The following APP variants were observed in gnomAD, a reference collection of about 807,000 sequenced individuals.
APP encodes the protein amyloid beta precursor protein, also known as amyloid-beta precursor protein.
In APP, 31 loss-of-function variants were observed where a neutral mutation model predicts 101.4. The ratio of observed to expected loss-of-function variants is 0.31; its 90% CI spans 0.23 to 0.41. The LOEUF (loss-of-function observed/expected upper bound fraction) is 0.41, where lower values mean the gene tolerates loss of function less well. Among genes scored for constraint, APP ranks in the 10% least tolerant of loss-of-function variants. APP has a pLI of 1.00. For missense variants in APP, 839 were observed against 1,003.7 expected (o/e 0.84, Z 2.22); for synonymous variants, 366 against 364.4 (o/e 1.00, Z -0.05).
intron 5 of APP, among the ~76,000 whole-genome samples, chr21:26,044,559 G>A (rs913342497): frequency 6.6e-6 from 1 of 151,844 alleles, no homozygotes; most frequent in Non-Finnish European, 1.5e-5. Context: ...TCTTTTTTGA[G>A]GTGGAGTTTC....
chr21:25,903,368 CAAAAAA>C (rs937462787), intron 15 of APP, among the ~76,000 whole-genome samples: 2 of 68,580 alleles, frequency 2.9e-5, no homozygotes, highest in Middle Eastern at 9.3e-3. Flanking sequence ...GACTCCATCT[CAAAAAA>C]AAAAAAAAAA....
At chr21:26,108,256 A>G (rs1016006848) in intron 2 of APP, among the ~76,000 whole-genome samples, 7 of 152,254 alleles carry the variant, frequency 4.6e-5, no homozygotes, top group Non-Finnish European at 1.0e-4. Flanking sequence ...CAACTCAGTA[A>G]CATTTATGAT....
At chr21:25,925,487 AGG>A (rs1007054079) in intron 13 of APP, among the ~76,000 whole-genome samples, 3 of 152,278 alleles carry the variant, frequency 2.0e-5, no homozygotes, top group Admixed American at 6.5e-5. Context: ...ACCCAGATCC[AGG>A]GAATCAGAAT....
At chr21:25,984,969 A>G (rs574885259) in intron 8 of APP, among the ~76,000 whole-genome samples, 1 of 152,332 alleles carries the variant, frequency 6.6e-6, no homozygotes, top group East Asian at 1.9e-4. Context: ...AAAACTTACT[A>G]TATAAGAAGG....
rs187696331 is a variant in APP at position 25,936,151 on chromosome 21, A to C, written c.1687+18439T>G. Among the ~76,000 whole-genome samples the C allele has an allele frequency of 2.2e-3, 340 of 152,326 alleles. 5 individuals carry two copies. The highest frequency in any genetic ancestry group is 3.4e-3 in the Middle Eastern group (1 of 294). On this transcript the variant is annotated intron_variant, in intron 13 of 17. Coordinates refer to ENST00000346798, the MANE Select transcript of APP (RefSeq NM_000484.4). The stretch of plus-strand genomic sequence containing the variant: ...TGTGCCCCTGAAAATTCATGTATCA[A>C]AGCCCTAACCCTCAAGGGACCTTTG...
chr21:26,150,380 A>G (rs1221831757), intron 1 of APP, among the ~76,000 whole-genome samples: 2 of 152,174 alleles, frequency 1.3e-5, no homozygotes, highest in East Asian at 3.8e-4. Flanking sequence ...TCACACAGCA[A>G]AATTTTTATA....
intron 6 of APP, among the ~76,000 whole-genome samples, chr21:26,005,463 G>T (rs1029354398): frequency 9.2e-5 from 14 of 152,128 alleles, no homozygotes; most frequent in African/African-American, 3.1e-4. Flanking sequence ...TTTTCAGTTT[G>T]CCTAAGAGTT....
intron 5 of APP, among the ~76,000 whole-genome samples, chr21:26,049,542 C>G (rs764381930): frequency 2.0e-5 from 3 of 152,044 alleles, no homozygotes; most frequent in Non-Finnish European, 4.4e-5. Flanking sequence ...CATTAAGATC[C>G]CAGCTGATGT....
chr21:26,017,440 T>C (rs1325608824), intron 6 of APP, among the ~76,000 whole-genome samples: 2 of 146,416 alleles, frequency 1.4e-5, no homozygotes, highest in African/African-American at 5.0e-5. Flanking sequence ...TTAAATTACA[T>C]TAAAGGGCAA....
intron 6 of APP, among the ~76,000 whole-genome samples, chr21:26,019,203 T>A (rs2044227935): frequency 6.6e-6 from 1 of 152,240 alleles, no homozygotes; most frequent in African/African-American, 2.4e-5. Flanking sequence ...TGTTAATTAA[T>A]CACCTGCAGT....
chr21:26,121,313 CTCA>C (rs921997502), intron 1 of APP, among the ~76,000 whole-genome samples: 5 of 152,150 alleles, frequency 3.3e-5, no homozygotes, highest in African/African-American at 1.2e-4. Context: ...GGGGTCACTC[CTCA>C]TACCTGCACA....
chr21:26,144,346 C>T (rs1169340468), intron 1 of APP, among the ~76,000 whole-genome samples: 4 of 152,244 alleles, frequency 2.6e-5, no homozygotes, highest in African/African-American at 7.2e-5. Flanking sequence ...ATTTGCTCTG[C>T]CTTTCTGATA....
chr21:26,134,511 G>A (rs374876402), intron 1 of APP, among the ~76,000 whole-genome samples: 20 of 152,226 alleles, frequency 1.3e-4, no homozygotes, highest in African/African-American at 4.1e-4. Context: ...ACAGCCAGAT[G>A]GAAGAGATGC....
At chr21:25,920,756 T>C (rs923902024) in intron 13 of APP, among the ~76,000 whole-genome samples, 1 of 144,842 alleles carries the variant, frequency 6.9e-6, no homozygotes, top group Non-Finnish European at 1.5e-5. Context: ...CAAAGAGACT[T>C]AGACTCCCAC....
chr21:25,990,737 C>A (rs11702037), intron 8 of APP, among the ~76,000 whole-genome samples: 152,319 of 152,320 alleles, frequency 1, 76,159 homozygotes, highest in Non-Finnish European at 1. Flanking sequence ...TTCTATATTT[C>A]CTTTATATGG....
intron 1 of APP, among the ~76,000 whole-genome samples, chr21:26,128,937 A>G (rs1466379639): frequency 3.3e-5 from 5 of 152,228 alleles, no homozygotes; most frequent in African/African-American, 9.7e-5. Context: ...AAGAAGCCTT[A>G]AAGGGAACAA....
At chr21:25,890,239 G>C (rs2037602779) in intron 17 of APP, among the ~76,000 whole-genome samples, 1 of 152,142 alleles carries the variant, frequency 6.6e-6, no homozygotes, top group Non-Finnish European at 1.5e-5. Flanking sequence ...GGGGAAATGA[G>C]GCTCCACCCC....
intron 1 of APP, among the ~76,000 whole-genome samples, chr21:26,114,844 C>T (rs1337001138): frequency 1.3e-5 from 2 of 152,032 alleles, no homozygotes; most frequent in East Asian, 3.9e-4. Context: ...ATTTTTTAAA[C>T]ATTTTTTTCA....
chr21:26,124,837 TTA>T (rs1326956880), intron 1 of APP, among the ~76,000 whole-genome samples: 2 of 152,260 alleles, frequency 1.3e-5, no homozygotes, highest in Non-Finnish European at 2.9e-5. Flanking sequence ...GCTTGATGCC[TTA>T]TATTCAGATA....
Sources: allele counts gnomAD v4.1 joint callset (sites outside exome capture counted in the v4.1 genomes callset), GRCh38; gene constraint gnomAD v4.1.1; transcripts MANE v1.5; gene names NCBI Gene and HGNC (gene_info 2026-07-23, HGNC 2026-07-21).